SEM1: variants seen among roughly 807,000 people sequenced by gnomAD.
The protein encoded by SEM1 is 26S proteasome complex subunit SEM1.
SEM1 carries 3 observed loss-of-function variants against 12.7 expected under a neutral mutation model. The observed-to-expected ratio is 0.24, with a 90% CI of 0.11 to 0.61. SEM1 has a LOEUF of 0.61. Among genes scored for constraint, SEM1 ranks in the 20% least tolerant of loss-of-function variants. The pLI, the probability that SEM1 is intolerant of heterozygous loss-of-function variation, is 0.88. For synonymous variants in SEM1, 30 were observed against 27.8 expected, an observed-to-expected ratio of 1.08 and a Z score of -0.25; for missense variants, 59 against 81.3, an observed-to-expected ratio of 0.73 and a Z score of 1.06.
At chr7:96,682,309 T>C (rs1789638975) in intron 2 of SEM1, among the ~76,000 whole-genome samples, 1 of 152,134 alleles carries the variant, frequency 6.6e-6, no homozygotes, top group Admixed American at 6.6e-5. Flanking sequence ...GTTTTCTAAA[T>C]ATACAACCAT....
At chr7:96,698,205 A>T (rs1007537465) in intron 1 of SEM1, among the ~76,000 whole-genome samples, 1 of 152,166 alleles carries the variant, frequency 6.6e-6, no homozygotes, top group Non-Finnish European at 1.5e-5. Flanking sequence ...TAAAAAAAAT[A>T]TAAGTCTGGC....
At chr7:96,568,037 C>T (rs12704861) in intron 2 of SEM1, among the ~76,000 whole-genome samples, 82,448 of 151,312 alleles carry the variant, frequency 0.54, 24,491 homozygotes, top group Non-Finnish European at 0.68. Flanking sequence ...AGTTTTTCTT[C>T]GATCTCTGCT....
chr7:96,523,388 G>C (rs1161524425), intron 2 of SEM1, among the ~76,000 whole-genome samples: 3 of 152,086 alleles, frequency 2.0e-5, no homozygotes, highest in African/African-American at 7.2e-5. Flanking sequence ...AAGAGGCGGG[G>C]CTTAGATTAC....
downstream of SEM1, among the ~76,000 whole-genome samples, chr7:96,668,514 T>TA (rs1406219679): frequency 6.6e-6 from 1 of 152,302 alleles, no homozygotes; most frequent in Non-Finnish European, 1.5e-5. Context: ...AGATATATTC[T>TA]AAAAAGGACT....
intron 2 of SEM1, among the ~76,000 whole-genome samples, chr7:96,586,998 A>G (rs1358796731): frequency 6.6e-6 from 1 of 152,174 alleles, no homozygotes; most frequent in African/African-American, 2.4e-5. Flanking sequence ...ATCCATATTC[A>G]GGTTTCCGAA....
At chr7:96,567,928 A>G (rs757453029) in intron 2 of SEM1, among the ~76,000 whole-genome samples, 3 of 150,834 alleles carry the variant, frequency 2.0e-5, no homozygotes, top group Non-Finnish European at 4.4e-5. Flanking sequence ...ATACACACAC[A>G]CATGCACACA....
chr7:96,493,648 C>T (rs1803119263), intron 1 of SEM1, among the ~76,000 whole-genome samples: 1 of 152,088 alleles, frequency 6.6e-6, no homozygotes, highest in Non-Finnish European at 1.5e-5. Context: ...TAAACAGTTC[C>T]TTCATCATGT....
At position 96,557,858 on chromosome 7, in the gene SEM1, G is replaced by T. The variant is rs962358982; in HGVS notation, c.171-51160C>A. 3.3e-5 allele frequency among the ~76,000 whole-genome samples: 5 copies of T among 152,284 alleles called. No homozygotes were observed. The East Asian group carries it at 7.7e-4, about 24-fold the overall frequency. ...AATCAGCCAGGCTCCGTGGGCGTAG[G>T]ACCCTCCGAGCCAGGTGTGGGATAT... On this transcript the variant is annotated intron_variant and NMD_transcript_variant, in intron 2 of 3. Coordinates refer to the SEM1 transcript ENST00000466986.
chr7:96,603,595 G>A (rs536390954), intron 2 of SEM1, among the ~76,000 whole-genome samples: 1 of 152,154 alleles, frequency 6.6e-6, no homozygotes, highest in Admixed American at 6.5e-5. Context: ...TTTTTCTGGT[G>A]CCAGACCCCA....
At chr7:96,567,232 G>T (rs535443028) in intron 2 of SEM1, among the ~76,000 whole-genome samples, 1 of 151,408 alleles carries the variant, frequency 6.6e-6, no homozygotes, top group Non-Finnish European at 1.5e-5. Flanking sequence ...TTCAATTCTT[G>T]TTTTATCCTT....
intron 2 of SEM1, among the ~76,000 whole-genome samples, chr7:96,518,651 C>T (rs1804173046): frequency 6.6e-6 from 1 of 152,096 alleles, no homozygotes; most frequent in South Asian, 2.1e-4. Flanking sequence ...GTTTCCCAAG[C>T]AGACTGCCTT....
intron 2 of SEM1, among the ~76,000 whole-genome samples, chr7:96,645,156 G>C (rs1808743923): frequency 6.6e-6 from 1 of 152,006 alleles, no homozygotes; most frequent in African/African-American, 2.4e-5. Flanking sequence ...TAGACAACAG[G>C]ATTTAGATAT....
At chr7:96,570,614 T>C (rs1208970108) in intron 2 of SEM1, among the ~76,000 whole-genome samples, 1 of 152,224 alleles carries the variant, frequency 6.6e-6, no homozygotes, top group African/African-American at 2.4e-5. Context: ...TTTGGGTTGG[T>C]TCCAAGTCTT....
chr7:96,574,255 G>A (rs1454868679), intron 2 of SEM1, among the ~76,000 whole-genome samples: 1 of 152,152 alleles, frequency 6.6e-6, no homozygotes, highest in African/African-American at 2.4e-5. Flanking sequence ...TCCCTACAAA[G>A]GACATGAACT....
intron 2 of SEM1, among the ~76,000 whole-genome samples, chr7:96,659,924 A>AC (rs1554430854): frequency 1.3e-5 from 2 of 148,490 alleles, no homozygotes; most frequent in African/African-American, 2.6e-5. Flanking sequence ...AAAAAAAAAA[A>AC]AAAAAACAAA....
intron 2 of SEM1, among the ~76,000 whole-genome samples, chr7:96,591,422 CA>C (rs1490201641): frequency 6.6e-6 from 1 of 152,192 alleles, no homozygotes; most frequent in Non-Finnish European, 1.5e-5. Flanking sequence ...CTCCCTCTAA[CA>C]GAGTTAAAAA....
At chr7:96,698,422 A>AC (rs1554436328) in intron 1 of SEM1, among the ~76,000 whole-genome samples, 1 of 127,128 alleles carries the variant, frequency 7.9e-6, no homozygotes, top group Admixed American at 7.4e-5. Flanking sequence ...CTTGCTTCCC[A>AC]CCCCGACAGG....
chr7:96,504,415 A>G (rs1270818067), intron 3 of SEM1, among the ~76,000 whole-genome samples: 2 of 152,144 alleles, frequency 1.3e-5, no homozygotes, highest in East Asian at 3.9e-4. Context: ...GGAAAATTTC[A>G]AACATATAAA....
intron 2 of SEM1, among the ~76,000 whole-genome samples, chr7:96,663,117 T>C (rs1467080346): frequency 6.6e-6 from 1 of 150,460 alleles, no homozygotes; most frequent in Non-Finnish European, 1.5e-5. Flanking sequence ...TGCAATAATA[T>C]GACGCAGAAC....
Sources: allele counts gnomAD v4.1 joint callset (sites outside exome capture counted in the v4.1 genomes callset), GRCh38; gene constraint gnomAD v4.1.1; transcripts MANE v1.5; gene names NCBI Gene and HGNC (gene_info 2026-07-23, HGNC 2026-07-21).